Variants in ASAP2 observed in about 807,000 individuals in gnomAD.
ASAP2 encodes the protein arf-GAP with SH3 domain, ANK repeat and PH domain-containing protein 2.
Under a neutral mutation model 131.4 loss-of-function variants are expected in ASAP2, and 45 were observed. The observed-to-expected ratio is 0.34, with a 90% CI of 0.27 to 0.44. The LOEUF is 0.44. Ranked by LOEUF, ASAP2 falls within the 20% of genes least tolerant of loss-of-function variation. The pLI, the probability that ASAP2 is intolerant of heterozygous loss-of-function variation, is 1.00. For synonymous variants in ASAP2, 510 were observed against 503.0 expected (o/e 1.01, Z -0.19); for missense variants, 1,011 against 1,297.0 (o/e 0.78, Z 3.39).
intron 3 of ASAP2, among the ~76,000 whole-genome samples, chr2:9,300,894 C>T (rs1010082879): frequency 6.6e-6 from 1 of 152,150 alleles, no homozygotes; most frequent in African/African-American, 2.4e-5. Flanking sequence ...TATTTCCTGG[C>T]AAAGATCAAA....
At chr2:9,221,182 T>G (rs1662388588) in intron 1 of ASAP2, among the ~76,000 whole-genome samples, 1 of 152,158 alleles carries the variant, frequency 6.6e-6, no homozygotes, top group South Asian at 2.1e-4. Flanking sequence ...ACTTTTCAAT[T>G]CCTGCAAAAA....
chr2:9,313,184 G>C (rs1363685900), intron 3 of ASAP2, among the ~76,000 whole-genome samples: 1 of 152,182 alleles, frequency 6.6e-6, no homozygotes, highest in East Asian at 1.9e-4. Flanking sequence ...AAAGCAAGCC[G>C]ACCAAGTGGG....
chr2:9,207,587 C>T lies in ASAP2; in HGVS notation c.126+357C>T, dbSNP rs1214585119. On this transcript the variant is annotated intron_variant, in intron 1 of 27. Coordinates refer to ENST00000281419, the MANE Select transcript of ASAP2 (RefSeq NM_003887.3). The surrounding 1 kb of genome is among the most constrained non-coding windows in gnomAD (Gnocchi z 4.1). ...GCCGCCGCCCGGGGTCTTTGGTACC[C>T]GGTGCGGACCTTATCAACTTGTTCT... 1.3e-5 allele frequency among the ~76,000 whole-genome samples: 2 copies of T among 152,174 alleles called. No individual in the cohort carries two copies. Among genetic ancestry groups the T allele is most frequent in the Non-Finnish European group, 2.9e-5 (2 of 68,018 alleles).
chr2:9,379,140 G>A lies in ASAP2; in HGVS notation c.1948+81G>A. 3.9e-6 allele frequency: 4 copies of A among 1,030,008 alleles called. No homozygotes were observed. The South Asian group carries it at 9.8e-5, about 25-fold the overall frequency. 63.8% of individuals were successfully genotyped at this position (1,030,008 alleles called of 1,614,324 possible). On this transcript the variant is annotated intron_variant, in intron 19 of 27. Transcript: ENST00000281419. ...TGTCTGCCATCCAAGCGCTGCTCTT[G>A]GAAACAGGGCCAACCCTGTGGGCTC...
intron 1 of ASAP2, among the ~76,000 whole-genome samples, chr2:9,213,081 C>T (rs529109356): frequency 1.3e-5 from 2 of 152,314 alleles, no homozygotes; most frequent in East Asian, 3.9e-4. Flanking sequence ...ACGTAACAAC[C>T]TTAGGCAGTT....
At chr2:9,323,603 G>A (rs866194138) in intron 6 of ASAP2, among the ~76,000 whole-genome samples, 1 of 152,178 alleles carries the variant, frequency 6.6e-6, no homozygotes. Context: ...ACTGGCTTGT[G>A]GGAGGGTGAG....
At chr2:9,351,298 G>A (rs1365663638) in intron 12 of ASAP2, among the ~76,000 whole-genome samples, 1 of 152,124 alleles carries the variant, frequency 6.6e-6, no homozygotes, top group Non-Finnish European at 1.5e-5. Flanking sequence ...CTAAAATGAG[G>A]GTCTTCAACA....
chr2:9,308,508 G>C (rs768249478), intron 3 of ASAP2, among the ~76,000 whole-genome samples: 8 of 152,170 alleles, frequency 5.3e-5, no homozygotes, highest in African/African-American at 1.4e-4. Context: ...TTCCTGTTTA[G>C]AGTTTCCTTG....
At chr2:9,233,028 A>G (rs149302738) in intron 1 of ASAP2, among the ~76,000 whole-genome samples, 16 of 152,266 alleles carry the variant, frequency 1.1e-4, no homozygotes, top group African/African-American at 3.9e-4. Context: ...CCTCTTAGGA[A>G]TGGAGAATGC....
intron 6 of ASAP2, among the ~76,000 whole-genome samples, chr2:9,324,663 G>A (rs186846335): frequency 1.3e-5 from 2 of 152,260 alleles, no homozygotes; most frequent in South Asian, 2.1e-4. Flanking sequence ...CACTCATGCA[G>A]TGACCTCCCA....
intron 1 of ASAP2, among the ~76,000 whole-genome samples, chr2:9,255,873 G>A (rs966851523): frequency 6.6e-6 from 1 of 152,166 alleles, no homozygotes; most frequent in Non-Finnish European, 1.5e-5. Flanking sequence ...CATTGGGCTG[G>A]GGGGCACAAG....
At chr2:9,308,124 AAC>A (rs1446007550) in intron 3 of ASAP2, among the ~76,000 whole-genome samples, 3 of 152,212 alleles carry the variant, frequency 2.0e-5, no homozygotes, top group African/African-American at 7.2e-5. Context: ...ACATATATAT[AAC>A]ACATATATAA....
At chr2:9,340,439 G>A (rs554639620) in intron 9 of ASAP2, among the ~76,000 whole-genome samples, 5 of 152,328 alleles carry the variant, frequency 3.3e-5, no homozygotes, top group African/African-American at 9.6e-5. Context: ...CTGGTTCTCC[G>A]GAGTCTTTTA....
At chr2:9,344,706 AT>A (rs1402328797) in intron 10 of ASAP2, 24 bp from the exon 11 acceptor site, 1 of 1,613,534 alleles carries the variant, frequency 6.2e-7, no homozygotes, top group African/African-American at 1.3e-5. Context: ...CTAAACTCTT[AT>A]TGTTTCTCCC....
intron 1 of ASAP2, among the ~76,000 whole-genome samples, chr2:9,274,558 A>G (rs1303648038): frequency 6.6e-6 from 1 of 152,094 alleles, no homozygotes; most frequent in East Asian, 1.9e-4. Flanking sequence ...TCTGACTTCA[A>G]GTAATCCGGC....
chr2:9,240,303 G>GAGTGC (rs1663871328), intron 1 of ASAP2, among the ~76,000 whole-genome samples: 1 of 147,916 alleles, frequency 6.8e-6, no homozygotes, highest in Non-Finnish European at 1.5e-5. Flanking sequence ...ACCCAGGCTG[G>GAGTGC]AGTGCAGTGG....
intron 9 of ASAP2, among the ~76,000 whole-genome samples, chr2:9,341,037 C>T (rs543675993): frequency 2.0e-5 from 3 of 152,294 alleles, no homozygotes; most frequent in Admixed American, 6.5e-5. Context: ...AGGTTGTCTT[C>T]GTCTCTCTTA....
intron 17 of ASAP2, among the ~76,000 whole-genome samples, chr2:9,375,980 G>T (rs191364018): frequency 2.0e-5 from 3 of 152,230 alleles, no homozygotes; most frequent in Admixed American, 1.3e-4. Context: ...GCACCCAAGT[G>T]GGGTGGCATG....
At chr2:9,244,049 C>T (rs576425855) in intron 1 of ASAP2, among the ~76,000 whole-genome samples, 1 of 152,198 alleles carries the variant, frequency 6.6e-6, no homozygotes, top group East Asian at 1.9e-4. Flanking sequence ...ACGATAATCC[C>T]AGCACTTTGG....
Sources: gnomAD v4.1 joint callset for allele counts (sites outside exome capture counted in the v4.1 genomes callset) on GRCh38, gnomAD v4.1.1 for gene constraint, Gnocchi (gnomAD v3.1) non-coding constraint, MANE v1.5 for transcripts, NCBI Gene and HGNC (gene_info 2026-07-23, HGNC 2026-07-21) for gene names.